DYNC1H1: variants seen among roughly 807,000 people sequenced by gnomAD.
The protein encoded by DYNC1H1 is cytoplasmic dynein 1 heavy chain 1.
DYNC1H1 carries 51 observed loss-of-function variants against 527.1 expected under a neutral mutation model. The ratio of observed to expected loss-of-function variants is 0.10; its 90% CI spans 0.08 to 0.12. The LOEUF (loss-of-function observed/expected upper bound fraction) is 0.12. Ranked by LOEUF, DYNC1H1 falls within the 10% of genes least tolerant of loss-of-function variation. The probability of loss-of-function intolerance (pLI) is 1.00; values close to 1 mark genes in which losing one functional copy is unlikely to be tolerated. For missense variants in DYNC1H1, 2,771 were observed against 5,971.8 expected (o/e 0.46, Z 17.66); for synonymous variants, 2,189 against 2,278.8 (o/e 0.96, Z 1.12).
intron 28 of DYNC1H1, 70 bp downstream of exon 28, chr14:102,007,178 C>G (rs1009732829): frequency 6.6e-7 from 1 of 1,517,796 alleles, no homozygotes; most frequent in African/African-American, 1.4e-5. Flanking sequence ...TATCAAGCTC[C>G]GTACCTCTCT....
chr14:101,996,139 T>C (rs1216942561), intron 15 of DYNC1H1, among the ~76,000 whole-genome samples: 1 of 151,632 alleles, frequency 6.6e-6, no homozygotes, highest in Non-Finnish European at 1.5e-5. Flanking sequence ...TCTTTTCTTT[T>C]TTTTTTTTGA....
chr14:101,970,488 T>G (rs1320759763), intron 1 of DYNC1H1, among the ~76,000 whole-genome samples: 9 of 125,970 alleles, frequency 7.1e-5, no homozygotes, highest in African/African-American at 1.7e-4. Context: ...TTTTTTTTTT[T>G]TTTTTTTTTT....
chr14:101,988,893 TAACAA>T, intron 10 of DYNC1H1, 41 bp downstream of exon 10: 1 of 1,613,078 alleles, frequency 6.2e-7, no homozygotes, highest in Non-Finnish European at 8.5e-7. Flanking sequence ...ATAAGTGAAA[TAACAA>T]AACTCTCTCG....
rs994411940 is a variant in DYNC1H1, at chr14:102,044,276, C to T, written c.12687C>T (p.Gly4229=). The part of the protein sequence containing the change: ...VDTWLDDTAK[G]RQNISPDKIP... ...GAACCCTGCTTTTCCTCCCCCAGGGCAGGCAGAACATCTCACCGGATAAGA... is the reference window on the plus strand; with the variant it reads ...GAACCCTGCTTTTCCTCCCCCAGGGTAGGCAGAACATCTCACCGGATAAGA... Residue 4229 remains glycine, a splice_region_variant and synonymous_variant, in exon 71 of 78, where the codon GGC becomes GGT. Transcript: ENST00000360184. The surrounding 1 kb of genome is among the most constrained non-coding windows in gnomAD (Gnocchi z 7.1). The T allele has an allele frequency of 3.7e-6, 6 of 1,613,892 alleles. No homozygotes were observed. The African/African-American group carries it at 5.3e-5, about 14-fold the overall frequency.
chr14:102,027,313 A>G lies in DYNC1H1; in HGVS notation c.8886+25A>G. 6.2e-7 allele frequency: 1 copy of G among 1,614,118 alleles called. No individual in the cohort carries two copies. The highest frequency in any genetic ancestry group is 8.5e-7 in the Non-Finnish European group (1 of 1,180,024). On this transcript the variant is annotated intron_variant, in intron 45 of 77. Coordinates refer to ENST00000360184, the MANE Select transcript of DYNC1H1 (RefSeq NM_001376.5). This position sits in a 1 kb window ranked among gnomAD's most constrained non-coding sequence, Gnocchi z 7.7. ...GGTGCGTCTGGTCGGTGGCCTCTTAATCCCAGCAACAGATGTGTGTGCAGA... is the reference window on the plus strand; with the variant it reads ...GGTGCGTCTGGTCGGTGGCCTCTTAGTCCCAGCAACAGATGTGTGTGCAGA...
rs1595618009 is a variant in DYNC1H1, at chr14:102,017,493, C to G, written c.8166C>G (p.Pro2722=). ...CCCCCACAGACCCTGGAAGAAAGCCCCTCTCACACAGGTAAAACAGCTCGG... is the reference window on the plus strand; with the variant it reads ...CCCCCACAGACCCTGGAAGAAAGCCGCTCTCACACAGGTAAAACAGCTCGG... ...CNPPTDPGRK[P]LSHRFLRHVP... Residue 2722 remains proline (P), a synonymous_variant, in exon 40 of 78, where the codon CCC becomes CCG. Transcript: ENST00000360184. This position sits in a 1 kb window ranked among gnomAD's most constrained non-coding sequence, Gnocchi z 4.6. 6.2e-7 allele frequency: 1 copy of G among 1,614,150 alleles called. No homozygotes were observed. The highest frequency in any genetic ancestry group is 8.5e-7 in the Non-Finnish European group (1 of 1,180,046).
chr14:102,001,797 G>A lies in DYNC1H1; in HGVS notation c.4542+116G>A. On this transcript the variant is annotated intron_variant, in intron 21 of 77. Transcript: ENST00000360184. This position sits in a 1 kb window ranked among gnomAD's most constrained non-coding sequence, Gnocchi z 5.0. ...TTTTTTATTGTATTTTTTGAGACAG[G>A]GTCTCACTCTGTCTCCCACGCTGGA... The A allele has an allele frequency of 2.1e-6, 3 of 1,400,290 alleles. No individual in the cohort carries two copies. Among genetic ancestry groups the A allele is most frequent in the Non-Finnish European group, 3.0e-6 (3 of 1,008,950 alleles). The allele number at this position is 1,400,290 out of a possible 1,614,324, so 86.7% of individuals were successfully genotyped here.
chr14:102,015,728 G>A lies in DYNC1H1; in HGVS notation c.7243-128G>A. On this transcript the variant is annotated intron_variant, in intron 35 of 77. Transcript: ENST00000360184. The surrounding 1 kb of genome is among the most constrained non-coding windows in gnomAD (Gnocchi z 6.9). ...CCACCAGGGTGAAGGAATGAGGACT[G>A]GTCATTGAAGCTTCATCCAAAATGA... The A allele has an allele frequency of 9.6e-7, 1 of 1,041,804 alleles. No individual in the cohort carries two copies. The allele number at this position is 1,041,804 out of a possible 1,614,324, so 64.5% of individuals were successfully genotyped here.
intron 2 of DYNC1H1, among the ~76,000 whole-genome samples, chr14:101,978,519 A>G (rs1453622103): frequency 6.6e-6 from 1 of 152,194 alleles, no homozygotes; most frequent in African/African-American, 2.4e-5. Flanking sequence ...TAGAAAATTC[A>G]AATTTTATTA....
rs2048111656 is a variant in DYNC1H1, at chr14:101,999,980, T to C, written c.3805-9T>C. 1 of 1,614,196 alleles carries C rather than the reference T, an allele frequency of 6.2e-7. No homozygotes were observed. The highest frequency in any genetic ancestry group is 8.5e-7 in the Non-Finnish European group (1 of 1,180,040). ...GTGCTCCAATTCTCTGTGCTCTGAC[T>C]GCTTTCAGGGCAACCTTCGCCCAGA... On this transcript the variant is annotated splice_polypyrimidine_tract_variant and intron_variant, in intron 16 of 77. Coordinates refer to ENST00000360184, the MANE Select transcript of DYNC1H1 (RefSeq NM_001376.5).
chr14:101,965,196 C>T lies in DYNC1H1; in HGVS notation c.256+249C>T, dbSNP rs945624306. On this transcript the variant is annotated intron_variant, in intron 1 of 77. Coordinates refer to ENST00000360184, the MANE Select transcript of DYNC1H1 (RefSeq NM_001376.5). This position sits in a 1 kb window ranked among gnomAD's most constrained non-coding sequence, Gnocchi z 4.1. ...CCACACCCACTGCCCGGCCCGGAGCCCCCAGGGCGCCCCGCTCCTGGTCGC... is the reference window on the plus strand; with the variant it reads ...CCACACCCACTGCCCGGCCCGGAGCTCCCAGGGCGCCCCGCTCCTGGTCGC... Among the ~76,000 whole-genome samples, 1 of 152,032 alleles carries T rather than the reference C, an allele frequency of 6.6e-6. No individual in the cohort carries two copies. Among genetic ancestry groups the T allele is most frequent in the Non-Finnish European group, 1.5e-5 (1 of 67,960 alleles).
In DYNC1H1 at chr14:102,016,600, C is replaced by T. The variant is rs1567012593; in HGVS notation, c.7614+111C>T. ...TTCGTCTTTTCATTTTATTCCATTT[C>T]ATAGAAGGACTTTATCCTTTTAGTT... On this transcript the variant is annotated intron_variant, in intron 37 of 77. Coordinates refer to ENST00000360184, the MANE Select transcript of DYNC1H1 (RefSeq NM_001376.5). This position sits in a 1 kb window ranked among gnomAD's most constrained non-coding sequence, Gnocchi z 7.3. 2.5e-6 allele frequency: 4 copies of T among 1,593,132 alleles called. No individual in the cohort carries two copies. The highest frequency in any genetic ancestry group is 1.7e-4 in the Middle Eastern group (1 of 5,966).
intron 43 of DYNC1H1, chr14:102,023,530 CAA>C (rs1405477173): frequency 6.3e-6 from 1 of 159,244 alleles, no homozygotes; most frequent in Non-Finnish European, 1.4e-5. Context: ...GCCTCAGCAA[CAA>C]GAGCGAAACT....
chr14:102,005,367 C>A lies in DYNC1H1; in HGVS notation c.5433+131C>A. 1 of 1,279,954 alleles carries A rather than the reference C, an allele frequency of 7.8e-7. No individual in the cohort carries two copies. The highest frequency in any genetic ancestry group is 1.1e-6 in the Non-Finnish European group (1 of 890,668). 79.3% of individuals were successfully genotyped at this position (1,279,954 alleles called of 1,614,324 possible). On this transcript the variant is annotated intron_variant, in intron 26 of 77. Transcript: ENST00000360184. The surrounding 1 kb of genome is among the most constrained non-coding windows in gnomAD (Gnocchi z 4.0). ...AGAACAGTGGATGGTGTATGGATAT[C>A]CTCTGAGGGTGGGCATTTGGCTCCC...
In DYNC1H1 at chr14:102,004,877, C is replaced by T. The variant is rs1555409563; in HGVS notation, c.5165C>T (p.Thr1722Met). The T allele has an allele frequency of 7.4e-6, 12 of 1,614,150 alleles. No individual in the cohort carries two copies. Among genetic ancestry groups the T allele is most frequent in the East Asian group, 4.5e-5 (2 of 44,884 alleles). ...GCCAAACTGCTTGCTGAGTCTGTTA[C>T]GGAAGTTGAGATTTTTGGTAAAGCA... ...TLAKLLAESV[T>M]EVEIFGKATS... Residue 1722 changes from threonine to methionine, a missense_variant, in exon 25 of 78, where the codon ACG becomes ATG. Around this residue, in one of 32 missense-constraint regions of DYNC1H1, gnomAD observed 105 missense variants for 138.1 expected, o/e 0.76. Coordinates refer to ENST00000360184, the MANE Select transcript of DYNC1H1 (RefSeq NM_001376.5).
Position 102,028,213 on chromosome 14 carries a change from A to T in DYNC1H1, c.9468+72A>T. On this transcript the variant is annotated intron_variant, in intron 48 of 77. Coordinates refer to ENST00000360184, the MANE Select transcript of DYNC1H1 (RefSeq NM_001376.5). Reference sequence around the variant, plus strand: ...CATGCTAATATAAAACTAAATTGCTATAAAAATAGACCTTAAGGCCAGGTG... The same window carrying T: ...CATGCTAATATAAAACTAAATTGCTTTAAAAATAGACCTTAAGGCCAGGTG... 1.9e-6 allele frequency: 3 copies of T among 1,569,750 alleles called. No homozygotes were observed. The South Asian group carries it at 3.4e-5, about 18-fold the overall frequency.
In DYNC1H1 at chr14:102,002,101, C is replaced by CT. The variant is rs1567006696; in HGVS notation, c.4542+426dup. On this transcript the variant is annotated intron_variant, in intron 21 of 77. Transcript: ENST00000360184. The surrounding 1 kb of genome is among the most constrained non-coding windows in gnomAD (Gnocchi z 4.4). Reference sequence around the variant, plus strand: ...ACTTGTTTTTTTGTTTGTTTGCTTGCTTTTTTGTTTTTTTTTTTTCTTTTT... The same window carrying CT: ...ACTTGTTTTTTTGTTTGTTTGCTTGCTTTTTTTGTTTTTTTTTTTTCTTTTT... Among the ~76,000 whole-genome samples, 1 of 150,026 alleles carries CT rather than the reference C, an allele frequency of 6.7e-6. No homozygotes were observed. The highest frequency in any genetic ancestry group is 2.5e-5 in the African/African-American group (1 of 40,752).
rs2048607796 is a variant in DYNC1H1 at position 102,038,794 on chromosome 14, A to G, written c.11152A>G (p.Lys3718Glu). The G allele has an allele frequency of 1.2e-6, 2 of 1,614,098 alleles. No homozygotes were observed. The highest frequency in any genetic ancestry group is 1.7e-5 in the Admixed American group (1 of 60,004). ...AAGCCAGTGTCTAAATGAAGTACTT[A>G]AAGCAGAAAGACCTGATGTGGACGA... ...LQSQCLNEVL[K>E]AERPDVDEKR... The change falls in exon 59 of 78, where the codon AAA (lysine) becomes GAA (glutamate). Residue 3718 changes from lysine to glutamate, a missense_variant. Transcript: ENST00000360184. This position sits in a 1 kb window ranked among gnomAD's most constrained non-coding sequence, Gnocchi z 7.2.
intron 10 of DYNC1H1, among the ~76,000 whole-genome samples, chr14:101,990,200 A>G (rs1438794509): frequency 6.6e-6 from 1 of 152,216 alleles, no homozygotes; most frequent in African/African-American, 2.4e-5. Flanking sequence ...TGTTGAGTGT[A>G]AAGCACTGGC....
Sources: allele counts gnomAD v4.1 joint callset (sites outside exome capture counted in the v4.1 genomes callset), GRCh38; gene constraint gnomAD v4.1.1; regional missense constraint gnomAD v4.1.1; non-coding constraint Gnocchi (gnomAD v3.1); transcripts MANE v1.5; gene names NCBI Gene and HGNC (gene_info 2026-07-23, HGNC 2026-07-21).